The following XYLT1 variants were observed in gnomAD, a reference collection of about 807,000 sequenced individuals.
XYLT1 encodes xylosyltransferase 1, also known as beta-D-xylosyltransferase 1.
In XYLT1, 36 loss-of-function variants were observed where a neutral mutation model predicts 91.3. The ratio of observed to expected loss-of-function variants is 0.39; its 90% confidence interval spans 0.30 to 0.52. XYLT1 has a LOEUF of 0.52. Ranked by LOEUF, XYLT1 falls within the 20% of genes least tolerant of loss-of-function variation. XYLT1 has a pLI of 0.68. For missense variants in XYLT1, 1,242 were observed against 1,284.5 expected, an observed-to-expected ratio of 0.97 and a Z score of 0.51; for synonymous variants, 588 against 532.0, an observed-to-expected ratio of 1.11 and a Z score of -1.45.
At chr16:17,255,373 C>T (rs1164299741) in intron 3 of XYLT1, among the ~76,000 whole-genome samples, 2 of 152,118 alleles carry the variant, frequency 1.3e-5, no homozygotes, top group South Asian at 4.1e-4. Flanking sequence ...TGCTTCTGCC[C>T]TATGACGGAT....
At chr16:17,358,283 A>T (rs1019226421) in intron 1 of XYLT1, among the ~76,000 whole-genome samples, 4 of 151,962 alleles carry the variant, frequency 2.6e-5, no homozygotes, top group Non-Finnish European at 4.4e-5. Flanking sequence ...ACAGGCATGC[A>T]CTATCATGCC....
chr16:17,423,332 G>A (rs1207805927), intron 1 of XYLT1, among the ~76,000 whole-genome samples: 2 of 152,136 alleles, frequency 1.3e-5, no homozygotes, highest in Non-Finnish European at 2.9e-5. Context: ...GGCCATCACT[G>A]CCACTCCTCA....
At chr16:17,213,514 G>A (rs756247892) in intron 3 of XYLT1, among the ~76,000 whole-genome samples, 5 of 152,078 alleles carry the variant, frequency 3.3e-5, no homozygotes, top group Non-Finnish European at 5.9e-5. Context: ...ACCTGACCTG[G>A]TCAGCTAATA....
At chr16:17,151,872 G>A (rs1423541641) in intron 6 of XYLT1, among the ~76,000 whole-genome samples, 1 of 152,162 alleles carries the variant, frequency 6.6e-6, no homozygotes, top group Non-Finnish European at 1.5e-5. Flanking sequence ...ATTTCCCAAG[G>A]AGGGCAGAAA....
chr16:17,189,460 T>A (rs1454994763), intron 5 of XYLT1, among the ~76,000 whole-genome samples: 1 of 152,218 alleles, frequency 6.6e-6, no homozygotes, highest in Non-Finnish European at 1.5e-5. Context: ...GAGTCCCATA[T>A]GATGGAGCTG....
rs754682989 is a variant in XYLT1, at chr16:17,364,597, C to T, written c.364-6547G>A. 5.3e-5 allele frequency among the ~76,000 whole-genome samples: 8 copies of T among 152,154 alleles called. 1 individual carries two copies. The highest frequency in any genetic ancestry group is 1.7e-4 in the African/African-American group (7 of 41,432). Reference sequence around the variant, plus strand: ...GTAGATACGAGTGCAACCTATGTCACGTGACGGCAGTGAACTGAGCAAATT... The same window carrying T: ...GTAGATACGAGTGCAACCTATGTCATGTGACGGCAGTGAACTGAGCAAATT... On this transcript the variant is annotated intron_variant, in intron 1 of 11. Coordinates refer to ENST00000261381, the MANE Select transcript of XYLT1 (RefSeq NM_022166.4).
intron 1 of XYLT1, among the ~76,000 whole-genome samples, chr16:17,379,728 A>ATCTC (rs71137986): frequency 0.01 from 1,264 of 125,744 alleles, 6 homozygotes; most frequent in East Asian, 0.028. Flanking sequence ...AATGAAGGAT[A>ATCTC]TCTCTCTCTC....
chr16:17,361,697 A>ATATTGTCTAGGTCTAGGGACAGTG (rs2035384442), intron 1 of XYLT1, among the ~76,000 whole-genome samples: 3 of 152,280 alleles, frequency 2.0e-5, no homozygotes, highest in Admixed American at 2.0e-4. Context: ...TGCCCAATAT[A>ATATTGTCTAGGTCTAGGGACAGTG]CCAGTCCTTC....
chr16:17,140,566 C>G (rs1234876773), intron 7 of XYLT1, among the ~76,000 whole-genome samples: 1 of 147,854 alleles, frequency 6.8e-6, no homozygotes, highest in East Asian at 2.0e-4. Context: ...GAGGCTGAGG[C>G]AGCAGAATTG....
intron 3 of XYLT1, among the ~76,000 whole-genome samples, chr16:17,214,583 A>G (rs1452589253): frequency 6.6e-6 from 1 of 152,216 alleles, no homozygotes; most frequent in African/African-American, 2.4e-5. Flanking sequence ...GCTACCCAGC[A>G]GAAGTAACTG....
chr16:17,394,677 G>T lies in XYLT1; in HGVS notation c.364-36627C>A, dbSNP rs542227279. ...AGAGCTCTGGCCCTGGAGCTAGACC[G>T]CCTGGGTTTGAATCCCAGCAGTGCT... On this transcript the variant is annotated intron_variant, in intron 1 of 11. Coordinates refer to ENST00000261381, the MANE Select transcript of XYLT1 (RefSeq NM_022166.4). 8.5e-5 allele frequency among the ~76,000 whole-genome samples: 13 copies of T among 152,314 alleles called. No homozygotes were observed. In the South Asian group the frequency reaches 2.7e-3, roughly 32 times the overall value.
At chr16:17,464,849 G>C (rs1384685360) in intron 1 of XYLT1, among the ~76,000 whole-genome samples, 13 of 151,970 alleles carry the variant, frequency 8.6e-5, no homozygotes, top group Non-Finnish European at 1.9e-4. Flanking sequence ...GAGAAAAGTA[G>C]AATAAAGATT....
chr16:17,140,929 C>T (rs1272951873), intron 7 of XYLT1, among the ~76,000 whole-genome samples: 1 of 152,174 alleles, frequency 6.6e-6, no homozygotes, highest in Non-Finnish European at 1.5e-5. Flanking sequence ...TGCACAAAGA[C>T]ACTGTGTGGA....
Position 17,344,005 on chromosome 16 carries a change from A to G in XYLT1, c.402+14007T>C, listed in dbSNP as rs1191679008. Among the ~76,000 whole-genome samples the G allele has an allele frequency of 3.3e-5, 5 of 152,130 alleles. No homozygotes were observed. The East Asian group carries it at 9.6e-4, about 29-fold the overall frequency. On this transcript the variant is annotated intron_variant, in intron 2 of 11. Transcript: ENST00000261381. Reference sequence around the variant, plus strand: ...AGTCAACGGGTGTTGATTTTTACACATTCTCTGCTACCCATACTTGGTTAG... The same window carrying G: ...AGTCAACGGGTGTTGATTTTTACACGTTCTCTGCTACCCATACTTGGTTAG...
chr16:17,173,371 G>A (rs1235023494), intron 5 of XYLT1, among the ~76,000 whole-genome samples: 1 of 152,236 alleles, frequency 6.6e-6, no homozygotes, highest in East Asian at 1.9e-4. Context: ...AAATCCCTCT[G>A]AGAATGGAGC....
In XYLT1 at chr16:17,158,889, G is replaced by A. The variant is rs192917273; in HGVS notation, c.1310C>T (p.Ala437Val). ...YPIRTNDQLV[A>V]FLSRYRDMNF... ...CATATCTCGGTATCGGGAGAGAAAC[G>A]CCACCAACTGGTCATTTGTCCTGTG... Residue 437 changes from alanine (A) to valine (V), a missense_variant, in exon 6 of 12, where the codon GCG (alanine) becomes GTG (valine). Ala to Val is a moderately conservative substitution (Grantham distance 64). Transcript: ENST00000261381. 101 of 1,614,020 alleles carry A rather than the reference G, an allele frequency of 6.3e-5. No individual in the cohort carries two copies. The East Asian group carries it at 1.5e-3, about 24-fold the overall frequency.
At position 17,343,124 on chromosome 16, in the gene XYLT1, C is replaced by T. The variant is rs534845589; in HGVS notation, c.402+14888G>A. On this transcript the variant is annotated intron_variant, in intron 2 of 11. Coordinates refer to ENST00000261381, the MANE Select transcript of XYLT1 (RefSeq NM_022166.4). ...CTGGTTGTCTCAGGCAGCTGCTCTG[C>T]ACACAGGACCCTTTCACAGAGTCCA... Among the ~76,000 whole-genome samples the T allele has an allele frequency of 3.9e-5, 6 of 152,342 alleles. No individual in the cohort carries two copies. In the South Asian group the frequency reaches 1.0e-3, roughly 26 times the overall value.
intron 5 of XYLT1, among the ~76,000 whole-genome samples, chr16:17,169,888 G>T (rs1273118833): frequency 6.6e-6 from 1 of 152,158 alleles, no homozygotes; most frequent in African/African-American, 2.4e-5. Flanking sequence ...ACTTCAGAGG[G>T]CATCGAAAGA....
chr16:17,296,719 G>A (rs1370018199), intron 2 of XYLT1, among the ~76,000 whole-genome samples: 2 of 152,218 alleles, frequency 1.3e-5, no homozygotes, highest in Non-Finnish European at 2.9e-5. Context: ...GAGAAGGACA[G>A]GCTGCAAGAA....
Sources: gnomAD v4.1 joint callset for allele counts (sites outside exome capture counted in the v4.1 genomes callset) on GRCh38, gnomAD v4.1.1 for gene constraint, MANE v1.5 for transcripts, NCBI Gene and HGNC (gene_info 2026-07-23, HGNC 2026-07-21) for gene names.